ADAMTS18: variants seen among roughly 807,000 people sequenced by gnomAD.
The protein encoded by ADAMTS18 is A disintegrin and metalloproteinase with thrombospondin motifs 18.
Under a neutral mutation model 165.9 loss-of-function variants are expected in ADAMTS18, and 157 were observed. That is an observed-to-expected ratio of 0.95 (90% CI 0.83 to 1.08). The LOEUF is 1.08. ADAMTS18 is among the 50% of genes least tolerant of loss of function. The pLI is 0.00. For synonymous variants in ADAMTS18, 782 were observed against 578.2 expected (o/e 1.35, Z -5.06); for missense variants, 2,040 against 1,534.0 (o/e 1.33, Z -5.51).
Position 77,434,688 on chromosome 16 carries a change from C to T in ADAMTS18, c.8G>A (p.Cys3Tyr), listed in dbSNP as rs1189020064. The change falls in exon 1 of 23, where the codon TGC becomes TAC. Residue 3 changes from cysteine to tyrosine, a missense_variant. By Grantham distance (194) the Cys-to-Tyr change is radical (BLOSUM62 -2). Transcript: ENST00000282849. Reference protein sequence around the residue: MECALLLACAFPA... With the variant: MEYALLLACAFPA... Reference sequence around the variant, plus strand: ...GAAGGCACACGCGAGCAGGAGGGCGCACTCCATGGTCAGGTGCGGACGCGG... The same window carrying T: ...GAAGGCACACGCGAGCAGGAGGGCGTACTCCATGGTCAGGTGCGGACGCGG... 3.4e-5 allele frequency: 50 copies of T among 1,475,216 alleles called. No individual in the cohort carries two copies. Among genetic ancestry groups the T allele is most frequent in the Non-Finnish European group, 4.2e-5 (47 of 1,119,660 alleles). 91.4% of individuals were successfully genotyped at this position (1,475,216 alleles called of 1,614,324 possible).
At chr16:77,408,486 T>C (rs1457952940) in intron 3 of ADAMTS18, among the ~76,000 whole-genome samples, 1 of 151,942 alleles carries the variant, frequency 6.6e-6, no homozygotes, top group African/African-American at 2.4e-5. Context: ...TAAATAGTGG[T>C]TTATTCATGA....
intron 3 of ADAMTS18, among the ~76,000 whole-genome samples, chr16:77,401,009 A>G (rs1056980587): frequency 6.6e-6 from 1 of 151,918 alleles, no homozygotes; most frequent in Non-Finnish European, 1.5e-5. Flanking sequence ...TAATTCTAGC[A>G]CTTTGGGAGG....
chr16:77,403,287 C>T (rs923103227), intron 3 of ADAMTS18, among the ~76,000 whole-genome samples: 2 of 152,166 alleles, frequency 1.3e-5, no homozygotes, highest in African/African-American at 4.8e-5. Context: ...TAATAACGAC[C>T]AGCACTTATT....
intron 3 of ADAMTS18, among the ~76,000 whole-genome samples, chr16:77,386,976 G>A (rs924402165): frequency 2.0e-5 from 3 of 152,188 alleles, no homozygotes; most frequent in Non-Finnish European, 2.9e-5. Context: ...GGTGAACTAT[G>A]CTTGCCTTCT....
chr16:77,329,036 G>C (rs2056143267), intron 12 of ADAMTS18, among the ~76,000 whole-genome samples: 1 of 152,122 alleles, frequency 6.6e-6, no homozygotes, highest in Non-Finnish European at 1.5e-5. Context: ...GCCGGGTATG[G>C]AAAGAAAGAA....
At chr16:77,290,644 C>T (rs373414721) in intron 21 of ADAMTS18, 1 of 161,192 alleles carries the variant, frequency 6.2e-6, no homozygotes, top group Admixed American at 5.8e-5. Context: ...AGCTGTGCAG[C>T]AACATCTGCT....
chr16:77,395,925 T>C (rs1052993653), intron 3 of ADAMTS18, among the ~76,000 whole-genome samples: 1 of 152,224 alleles, frequency 6.6e-6, no homozygotes, highest in Non-Finnish European at 1.5e-5. Flanking sequence ...CATGATATTT[T>C]CTAATGTTTT....
At chr16:77,334,756 TAGTATAC>T (rs1455351240) in intron 12 of ADAMTS18, among the ~76,000 whole-genome samples, 45 of 108,302 alleles carry the variant, frequency 4.2e-4, no homozygotes, top group East Asian at 3.5e-3. Context: ...CTGTATACTA[TAGTATAC>T]AGTATATATA....
At chr16:77,287,514 A>G (rs2047068255) in intron 22 of ADAMTS18, among the ~76,000 whole-genome samples, 2 of 152,084 alleles carry the variant, frequency 1.3e-5, no homozygotes, top group Admixed American at 1.3e-4. Flanking sequence ...GGTCTCAAAA[A>G]AAGCCCAGGC....
In ADAMTS18 at chr16:77,315,597, T is replaced by C. The variant is rs561618869; in HGVS notation, c.2532+4252A>G. Among the ~76,000 whole-genome samples, 6 of 152,284 alleles carry C rather than the reference T, an allele frequency of 3.9e-5. No individual in the cohort carries two copies. The South Asian group carries it at 8.3e-4, about 21-fold the overall frequency. ...TCCATGATATCTGTGAAGATCCTGTTTCCAGCACAAGCACGCCTCTCCGTG... is the reference window on the plus strand; with the variant it reads ...TCCATGATATCTGTGAAGATCCTGTCTCCAGCACAAGCACGCCTCTCCGTG... On this transcript the variant is annotated intron_variant, in intron 16 of 22. Transcript: ENST00000282849.
At chr16:77,391,162 G>A (rs1047065791) in intron 3 of ADAMTS18, among the ~76,000 whole-genome samples, 1 of 152,132 alleles carries the variant, frequency 6.6e-6, no homozygotes, top group African/African-American at 2.4e-5. Flanking sequence ...GAAGAGAAAT[G>A]TGCCAGATTA....
intron 16 of ADAMTS18, among the ~76,000 whole-genome samples, chr16:77,311,218 G>A (rs2055774050): frequency 6.6e-6 from 1 of 152,146 alleles, no homozygotes; most frequent in African/African-American, 2.4e-5. Flanking sequence ...AATTTTAGGT[G>A]GCCAAAAGAG....
chr16:77,374,908 G>T (rs908759268), intron 3 of ADAMTS18, among the ~76,000 whole-genome samples: 1 of 152,012 alleles, frequency 6.6e-6, no homozygotes, highest in African/African-American at 2.4e-5. Context: ...TATTAAAAAA[G>T]AAAAGTATTA....
intron 3 of ADAMTS18, among the ~76,000 whole-genome samples, chr16:77,415,338 G>A (rs896095675): frequency 6.6e-6 from 1 of 152,162 alleles, no homozygotes; most frequent in Non-Finnish European, 1.5e-5. Context: ...AGAAATGAAA[G>A]TTAAACTAGA....
intron 6 of ADAMTS18, 89 bp from the exon 7 acceptor site, chr16:77,362,353 C>T: frequency 6.9e-7 from 1 of 1,447,808 alleles, no homozygotes; most frequent in Non-Finnish European, 9.6e-7. Flanking sequence ...AACACAGAAA[C>T]ATATTTCTAG....
chr16:77,355,918 C>A (rs750830151), intron 9 of ADAMTS18, 22 bp downstream of exon 9: 1 of 1,613,766 alleles, frequency 6.2e-7, no homozygotes, highest in South Asian at 1.1e-5. Context: ...CTAGGAGCAC[C>A]CCAGGATTTA....
chr16:77,363,990 T>C, intron 5 of ADAMTS18, 105 bp from the exon 6 acceptor site: 18 of 1,226,534 alleles, frequency 1.5e-5, no homozygotes, highest in Non-Finnish European at 2.1e-5. Context: ...TTTTACCAAA[T>C]ATATGTACAT....
intron 3 of ADAMTS18, among the ~76,000 whole-genome samples, chr16:77,382,491 T>G (rs375958143): frequency 1.3e-5 from 2 of 152,202 alleles, no homozygotes; most frequent in South Asian, 4.1e-4. Flanking sequence ...ATTACAGGTG[T>G]GAGCCACCGT....
At position 77,320,081 on chromosome 16, in the gene ADAMTS18, A is replaced by G. The variant is rs2055967006; in HGVS notation, c.2300T>C (p.Val767Ala). The change falls in exon 16 of 23, where the codon GTG becomes GCG. Residue 767 changes from valine to alanine, a missense_variant. Physicochemically the swap from Val to Ala is moderately conservative, Grantham distance 64. Coordinates refer to ENST00000282849, the MANE Select transcript of ADAMTS18 (RefSeq NM_199355.4). ...NQHKANEYYP[V>A]VLIPAGARSI... ...TCGGGCGCCAGCTGGAATGAGGACC[A>G]CCGGATAATATTCTAAATGGAAAGA... 1 of 1,614,050 alleles carries G rather than the reference A, an allele frequency of 6.2e-7. No individual in the cohort carries two copies.
Sources: allele counts gnomAD v4.1 joint callset (sites outside exome capture counted in the v4.1 genomes callset), GRCh38; gene constraint gnomAD v4.1.1; transcripts MANE v1.5; gene names NCBI Gene and HGNC (gene_info 2026-07-23, HGNC 2026-07-21).